NOS1AP: variants seen among roughly 807,000 people sequenced by gnomAD.
NOS1AP encodes nitric oxide synthase 1 adaptor protein, also known as carboxyl-terminal PDZ ligand of neuronal nitric oxide synthase protein.
In NOS1AP, 21 loss-of-function variants were observed where a neutral mutation model predicts 56.2. That is an observed-to-expected ratio of 0.37 (90% CI 0.26 to 0.54). NOS1AP has a LOEUF of 0.54. Ranked by LOEUF, NOS1AP falls within the 20% of genes least tolerant of loss-of-function variation. NOS1AP has a pLI of 0.84. For synonymous variants in NOS1AP, 270 were observed against 274.6 expected (o/e 0.98, Z 0.17); for missense variants, 522 against 657.8 (o/e 0.79, Z 2.26).
chr1:162,270,611 G>A (rs564006184), intron 2 of NOS1AP, among the ~76,000 whole-genome samples: 1 of 152,322 alleles, frequency 6.6e-6, no homozygotes, highest in African/African-American at 2.4e-5. Context: ...GGGACTGAGC[G>A]AGGGATTTGA....
intron 2 of NOS1AP, among the ~76,000 whole-genome samples, chr1:162,163,194 T>C (rs1031229079): frequency 2.9e-4 from 44 of 152,236 alleles, no homozygotes; most frequent in Non-Finnish European, 5.3e-4. Context: ...ATATTATTTA[T>C]TCATTTAAAC....
chr1:162,322,010 G>A (rs866047110), intron 4 of NOS1AP, among the ~76,000 whole-genome samples: 12 of 152,122 alleles, frequency 7.9e-5, no homozygotes, highest in Middle Eastern at 6.8e-3. Flanking sequence ...CCAGCCTTGC[G>A]CAATATATCC....
At chr1:162,259,060 C>T (rs913379771) in intron 2 of NOS1AP, among the ~76,000 whole-genome samples, 26 of 152,126 alleles carry the variant, frequency 1.7e-4, no homozygotes, top group African/African-American at 6.3e-4. Context: ...GAAAAGACAA[C>T]CTGCGGCCTC....
rs1657196830 is a variant in NOS1AP, at chr1:162,344,058, G to C, written c.595+82G>C. On this transcript the variant is annotated intron_variant, in intron 6 of 9. Coordinates refer to ENST00000361897, the MANE Select transcript of NOS1AP (RefSeq NM_014697.3). ...TGGTGGATCACTGCCCTGACCCCCA[G>C]GCTGTGAACTCATTTTAAGAAACAT... 4.8e-6 allele frequency: 7 copies of C among 1,471,792 alleles called. 1 individual carries two copies. The South Asian group carries it at 6.9e-5, about 15-fold the overall frequency. 91.2% of individuals were successfully genotyped at this position (1,471,792 alleles called of 1,614,324 possible). A position where few individuals can be genotyped will look rare whatever the true frequency, so the allele number is the denominator to read the frequency against.
intron 2 of NOS1AP, among the ~76,000 whole-genome samples, chr1:162,210,790 C>T (rs1166355023): frequency 6.6e-6 from 1 of 152,236 alleles, no homozygotes; most frequent in Non-Finnish European, 1.5e-5. Flanking sequence ...GTTCAAATAG[C>T]TCCATGGCAC....
chr1:162,364,149 T>C (rs1256356954), intron 8 of NOS1AP: 2 of 985,290 alleles, frequency 2.0e-6, no homozygotes, highest in African/African-American at 3.5e-5. Context: ...CTTCAGAAAT[T>C]TGAGCACTTG....
At chr1:162,268,991 C>A (rs1243847994) in intron 2 of NOS1AP, among the ~76,000 whole-genome samples, 5 of 152,112 alleles carry the variant, frequency 3.3e-5, no homozygotes, top group Non-Finnish European at 7.4e-5. Context: ...ATTTAAGTTT[C>A]CAGAGTGAAA....
chr1:162,278,677 G>GTGTGTGTGTGTGTGTGTA (rs1654823677), intron 2 of NOS1AP, among the ~76,000 whole-genome samples: 1 of 125,716 alleles, frequency 8.0e-6, no homozygotes, highest in Non-Finnish European at 1.7e-5. Context: ...GTGTGTGTGT[G>GTGTGTGTGTGTGTGTGTA]TGTGTGTGTG....
chr1:162,336,563 G>T (rs1656946539), intron 5 of NOS1AP, among the ~76,000 whole-genome samples: 1 of 152,106 alleles, frequency 6.6e-6, no homozygotes, highest in Non-Finnish European at 1.5e-5. Context: ...GTATCTTTTT[G>T]TAGTTAATAT....
intron 1 of NOS1AP, among the ~76,000 whole-genome samples, chr1:162,076,096 C>T (rs1262372041): frequency 6.6e-6 from 1 of 152,166 alleles, no homozygotes; most frequent in African/African-American, 2.4e-5. Flanking sequence ...ACTCATAATG[C>T]AGCTACTCCC....
At chr1:162,172,670 G>A (rs1249868067) in intron 2 of NOS1AP, among the ~76,000 whole-genome samples, 3 of 152,174 alleles carry the variant, frequency 2.0e-5, no homozygotes, top group Non-Finnish European at 4.4e-5. Flanking sequence ...ATATGTATGT[G>A]CTTTCCCTTC....
chr1:162,187,503 G>A (rs906046548), intron 2 of NOS1AP, among the ~76,000 whole-genome samples: 1 of 152,060 alleles, frequency 6.6e-6, no homozygotes, highest in Non-Finnish European at 1.5e-5. Flanking sequence ...TATTCCTTAA[G>A]AATAAATTTC....
chr1:162,166,758 A>G (rs1650516330), intron 2 of NOS1AP, among the ~76,000 whole-genome samples: 1 of 152,172 alleles, frequency 6.6e-6, no homozygotes, highest in Admixed American at 6.5e-5. Flanking sequence ...AAATGCAATA[A>G]TGGGTGTCAC....
intron 2 of NOS1AP, among the ~76,000 whole-genome samples, chr1:162,155,260 A>ACATATATG (rs1649899261): frequency 6.8e-6 from 1 of 146,622 alleles, no homozygotes; most frequent in East Asian, 2.0e-4. Context: ...ACATACATAT[A>ACATATATG]TATATACACA....
chr1:162,186,291 A>G (rs912075434), intron 2 of NOS1AP, among the ~76,000 whole-genome samples: 2 of 152,140 alleles, frequency 1.3e-5, no homozygotes, highest in East Asian at 3.9e-4. Flanking sequence ...ACCCTGTGAG[A>G]TGTTTCCACA....
chr1:162,109,733 T>C (rs1647643185), intron 1 of NOS1AP, among the ~76,000 whole-genome samples: 1 of 152,048 alleles, frequency 6.6e-6, no homozygotes, highest in Non-Finnish European at 1.5e-5. Flanking sequence ...AATGTCTTTG[T>C]ACATCCGAGA....
intron 1 of NOS1AP, among the ~76,000 whole-genome samples, chr1:162,152,568 C>G (rs954780947): frequency 1.3e-5 from 2 of 152,234 alleles, no homozygotes; most frequent in African/African-American, 4.8e-5. Context: ...TCTGGCCACG[C>G]TATCAGATCT....
At chr1:162,284,707 G>A (rs74125816) in intron 2 of NOS1AP, among the ~76,000 whole-genome samples, 2,904 of 152,292 alleles carry the variant, frequency 0.019, 113 homozygotes, top group East Asian at 0.17. Context: ...TTCTTAAGAC[G>A]AAGGTATTAA....
intron 2 of NOS1AP, among the ~76,000 whole-genome samples, chr1:162,243,325 T>A (rs1653555136): frequency 6.6e-6 from 1 of 152,064 alleles, no homozygotes; most frequent in Admixed American, 6.6e-5. Context: ...TGAGGGGCAA[T>A]GGGCATGGGC....
Sources: allele counts gnomAD v4.1 joint callset (sites outside exome capture counted in the v4.1 genomes callset), GRCh38; gene constraint gnomAD v4.1.1; transcripts MANE v1.5; gene names NCBI Gene and HGNC (gene_info 2026-07-23, HGNC 2026-07-21).